COL19A1: variants seen among roughly 807,000 people sequenced by gnomAD.
The protein encoded by COL19A1 is collagen alpha-1(XIX) chain.
A neutral mutation model predicts 190.2 loss-of-function variants in COL19A1; 159 were observed. The ratio of observed to expected loss-of-function variants is 0.84; its 90% CI spans 0.73 to 0.95. The LOEUF (loss-of-function observed/expected upper bound fraction) is 0.95. COL19A1 is among the 40% of genes least tolerant of loss of function. COL19A1 has a pLI of 0.00. For missense variants in COL19A1, 1,418 were observed against 1,431.9 expected (o/e 0.99, Z 0.16); for synonymous variants, 509 against 458.9 (o/e 1.11, Z -1.39).
intron 8 of COL19A1, among the ~76,000 whole-genome samples, chr6:69,937,757 A>G (rs1582460738): frequency 6.6e-6 from 1 of 152,244 alleles, no homozygotes; most frequent in East Asian, 1.9e-4. Flanking sequence ...GAGAAAGGCA[A>G]GGTTCGGGGG....
chr6:69,873,033 C>T (rs1257091606), intron 1 of COL19A1, among the ~76,000 whole-genome samples: 1 of 152,150 alleles, frequency 6.6e-6, no homozygotes, highest in African/African-American at 2.4e-5. Flanking sequence ...ATTCTATGAG[C>T]GTTAGTGTTT....
intron 48 of COL19A1, among the ~76,000 whole-genome samples, chr6:70,193,354 C>T (rs1766998436): frequency 1.3e-5 from 2 of 152,198 alleles, no homozygotes; most frequent in African/African-American, 4.8e-5. Flanking sequence ...TTGGGGCAGG[C>T]TCACCAGACT....
chr6:70,152,853 A>T (rs1787154642), intron 31 of COL19A1, among the ~76,000 whole-genome samples: 1 of 152,138 alleles, frequency 6.6e-6, no homozygotes. Flanking sequence ...AAGGATGAGA[A>T]ACTTGTATGC....
chr6:70,023,366 C>T (rs911556188), intron 11 of COL19A1, among the ~76,000 whole-genome samples: 1 of 152,014 alleles, frequency 6.6e-6, no homozygotes, highest in East Asian at 1.9e-4. Context: ...GAAATCCTGA[C>T]CTCAACTGAT....
rs746172457 is a variant in COL19A1, at chr6:70,162,009, AG to A, written c.2346+58del. 6 of 1,483,594 alleles carry A rather than the reference AG, an allele frequency of 4.0e-6. No homozygotes were observed. The East Asian group carries it at 7.1e-5, about 18-fold the overall frequency. The allele number at this position is 1,483,594 out of a possible 1,614,324, so 91.9% of individuals were successfully genotyped here. A position where few individuals can be genotyped will look rare whatever the true frequency, so the allele number is the denominator to read the frequency against. On this transcript the variant is annotated intron_variant, in intron 35 of 50. Coordinates refer to ENST00000620364, the MANE Select transcript of COL19A1 (RefSeq NM_001858.6). Reference sequence around the variant, plus strand: ...AGCTTATATCTGCTGGTTTGATGCAAGGTGAATTAATTTTCTTCATTGCCTT... The same window carrying A: ...AGCTTATATCTGCTGGTTTGATGCAAGTGAATTAATTTTCTTCATTGCCTT...
rs1488270525 is a variant in COL19A1, at chr6:70,144,270, T to C, written c.1680+7T>C. 5 of 1,610,354 alleles carry C rather than the reference T, an allele frequency of 3.1e-6. No individual in the cohort carries two copies. The highest frequency in any genetic ancestry group is 2.5e-6 in the Non-Finnish European group (3 of 1,177,722). ...AGGCATTAAAGGAGAAAAGGTATAGTTTACATTTTCCTCATTTTATATGTT... is the reference window on the plus strand; with the variant it reads ...AGGCATTAAAGGAGAAAAGGTATAGCTTACATTTTCCTCATTTTATATGTT... On this transcript the variant is annotated splice_region_variant and intron_variant, in intron 24 of 50. Transcript: ENST00000620364.
At chr6:70,194,907 G>A (rs1417203496) in intron 48 of COL19A1, among the ~76,000 whole-genome samples, 3 of 151,768 alleles carry the variant, frequency 2.0e-5, no homozygotes, top group Non-Finnish European at 2.9e-5. Context: ...CAGATTTCCA[G>A]TGTTCAGAAA....
At chr6:70,026,310 G>A (rs1778728833) in intron 12 of COL19A1, among the ~76,000 whole-genome samples, 2 of 152,168 alleles carry the variant, frequency 1.3e-5, no homozygotes, top group South Asian at 4.1e-4. Context: ...GCCACTGTGT[G>A]AGTTCCAAAT....
intron 16 of COL19A1, among the ~76,000 whole-genome samples, chr6:70,120,268 G>C (rs1216175953): frequency 6.6e-6 from 1 of 152,066 alleles, no homozygotes; most frequent in South Asian, 2.1e-4. Context: ...ACTGTTCTTT[G>C]ATCTAATCAG....
In COL19A1 at chr6:70,116,100, C is replaced by T. The variant is rs565824365; in HGVS notation, c.1279-5780C>T. Among the ~76,000 whole-genome samples, 41 of 152,140 alleles carry T rather than the reference C, an allele frequency of 2.7e-4. 1 individual carries two copies. The South Asian group carries it at 8.5e-3, about 32-fold the overall frequency. On this transcript the variant is annotated intron_variant, in intron 16 of 50. Transcript: ENST00000620364. ...TTTTTCCCCCAGAATTACTTTACAA[C>T]TTATATGTTGTAATTCTGGTCCAAA...
intron 18 of COL19A1, among the ~76,000 whole-genome samples, chr6:70,136,949 G>C (rs908565807): frequency 1.3e-5 from 2 of 152,094 alleles, no homozygotes; most frequent in African/African-American, 2.4e-5. Context: ...GAATTGTGTA[G>C]GTATTCAGAG....
intron 11 of COL19A1, among the ~76,000 whole-genome samples, chr6:69,992,549 T>C (rs962227596): frequency 1.3e-5 from 2 of 152,136 alleles, no homozygotes; most frequent in Non-Finnish European, 2.9e-5. Flanking sequence ...TTGGGTAATA[T>C]GGCTATTTTA....
At chr6:70,070,847 A>C (rs1781503439) in intron 15 of COL19A1, among the ~76,000 whole-genome samples, 1 of 152,140 alleles carries the variant, frequency 6.6e-6, no homozygotes, top group South Asian at 2.1e-4. Flanking sequence ...ATTTCACTAA[A>C]GTTTGCAGTA....
intron 17 of COL19A1, 83 bp from the exon 18 acceptor site, chr6:70,130,099 T>C: frequency 6.8e-7 from 1 of 1,467,260 alleles, no homozygotes; most frequent in Non-Finnish European, 9.4e-7. Context: ...AACTATTATC[T>C]GACTGCTTAT....
intron 4 of COL19A1, among the ~76,000 whole-genome samples, chr6:69,912,616 G>A (rs1771020863): frequency 6.6e-6 from 1 of 152,172 alleles, no homozygotes; most frequent in African/African-American, 2.4e-5. Flanking sequence ...TTACCCTGTG[G>A]CTTATGACTG....
chr6:70,174,511 G>C (rs962577817), intron 41 of COL19A1, among the ~76,000 whole-genome samples: 10 of 151,626 alleles, frequency 6.6e-5, no homozygotes, highest in Admixed American at 2.0e-4. Context: ...AGTGAGCCGA[G>C]ATCGTGCCAT....
intron 6 of COL19A1, among the ~76,000 whole-genome samples, chr6:69,930,027 T>A (rs1013935670): frequency 1.3e-5 from 2 of 152,206 alleles, no homozygotes; most frequent in Non-Finnish European, 2.9e-5. Flanking sequence ...TTCATATGTT[T>A]TAAATAGAAA....
intron 1 of COL19A1, among the ~76,000 whole-genome samples, chr6:69,868,897 G>C (rs955323059): frequency 7.2e-5 from 11 of 152,176 alleles, no homozygotes; most frequent in Non-Finnish European, 1.3e-4. Context: ...AGAGGCGGAA[G>C]AAGATATGAA....
At chr6:70,151,083 A>G (rs2150246438) in intron 30 of COL19A1, among the ~76,000 whole-genome samples, 1 of 152,296 alleles carries the variant, frequency 6.6e-6, no homozygotes, top group African/African-American at 2.4e-5. Flanking sequence ...ATTTAAAACC[A>G]ATGATATACC....
Sources: gnomAD v4.1 joint callset for allele counts (sites outside exome capture counted in the v4.1 genomes callset) on GRCh38, gnomAD v4.1.1 for gene constraint, MANE v1.5 for transcripts, NCBI Gene and HGNC (gene_info 2026-07-23, HGNC 2026-07-21) for gene names.